Variants in CELSR1 observed in about 807,000 individuals in gnomAD.
CELSR1 encodes adhesion G protein-coupled receptor C1.
In CELSR1, 110 loss-of-function variants were observed where a neutral mutation model predicts 249.1. The observed-to-expected ratio is 0.44, with a 90% confidence interval of 0.38 to 0.52. The LOEUF is 0.52. CELSR1 is among the 20% of genes least tolerant of loss of function. The pLI, the probability that CELSR1 is intolerant of heterozygous loss-of-function variation, is 0.00. For synonymous variants in CELSR1, 2,113 were observed against 1,900.0 expected (o/e 1.11, Z -2.92); for missense variants, 4,109 against 4,296.4 (o/e 0.96, Z 1.22).
At chr22:46,442,506 TGGCTCCTGAA>T (rs966861023) in intron 2 of CELSR1, among the ~76,000 whole-genome samples, 1 of 152,196 alleles carries the variant, frequency 6.6e-6, no homozygotes, top group Admixed American at 6.5e-5. Context: ...CCCCCAGCTG[TGGCTCCTGAA>T]GGCTCCTGGA....
Position 46,363,253 on chromosome 22 carries a change from C to T in CELSR1, c.9036-6G>A, listed in dbSNP as rs1276697105. The T allele has an allele frequency of 2.7e-5, 43 of 1,611,560 alleles. No individual in the cohort carries two copies. The Admixed American group carries it at 3.0e-4, about 11-fold the overall frequency. ...TTGAAGTTTCATTACTGCCTCTGCG[C>T]GTGGGAAGAAGCCAGCAAGCAGGTG... On this transcript the variant is annotated splice_polypyrimidine_tract_variant and splice_region_variant and intron_variant, in intron 34 of 34. Coordinates refer to ENST00000674500, the MANE Select transcript of CELSR1 (RefSeq NM_001378328.1). The surrounding 1 kb of genome is among the most constrained non-coding windows in gnomAD (Gnocchi z 4.3).
rs756969128 is a variant in CELSR1 at position 46,395,882 on chromosome 22, G to A, written c.5843+723C>T. Among the ~76,000 whole-genome samples, 1 of 152,190 alleles carries A rather than the reference G, an allele frequency of 6.6e-6. No homozygotes were observed. The highest frequency in any genetic ancestry group is 1.9e-4 in the East Asian group (1 of 5,186). On this transcript the variant is annotated intron_variant, in intron 13 of 34. Transcript: ENST00000674500. The surrounding 1 kb of genome is among the most constrained non-coding windows in gnomAD (Gnocchi z 5.5). Reference sequence around the variant, plus strand: ...CCGTGCAAAGGGTACAGAGCCCAGAGCCCAGAGAGCACGCTGCTGCCTGTC... The same window carrying A: ...CCGTGCAAAGGGTACAGAGCCCAGAACCCAGAGAGCACGCTGCTGCCTGTC...
chr22:46,523,026 C>T (rs1170823220), intron 1 of CELSR1, among the ~76,000 whole-genome samples: 2 of 152,242 alleles, frequency 1.3e-5, no homozygotes, highest in Admixed American at 1.3e-4. Context: ...ATGATGAAAA[C>T]CGCCCTGCAA....
At position 46,430,594 on chromosome 22, in the gene CELSR1, C is replaced by T. The variant is rs1313130317; in HGVS notation, c.4611+2799G>A. Among the ~76,000 whole-genome samples, 10 of 152,288 alleles carry T rather than the reference C, an allele frequency of 6.6e-5. No individual in the cohort carries two copies. The highest frequency in any genetic ancestry group is 2.1e-4 in the South Asian group (1 of 4,822). ...TCCCCTCCCACCCTGAGCCTGTCGT[C>T]TTCCCCAAAACCTTCCCTGGTGGCC... is the stretch of plus-strand genomic sequence containing the variant. On this transcript the variant is annotated intron_variant, in intron 5 of 34. Coordinates refer to ENST00000674500, the MANE Select transcript of CELSR1 (RefSeq NM_001378328.1). The surrounding 1 kb of genome is among the most constrained non-coding windows in gnomAD (Gnocchi z 4.6).
intron 1 of CELSR1, among the ~76,000 whole-genome samples, chr22:46,515,613 G>A (rs980347403): frequency 3.3e-5 from 5 of 152,180 alleles, no homozygotes; most frequent in African/African-American, 1.2e-4. Context: ...ACGGGCCTCA[G>A]TCACACAGTG....
chr22:46,464,437 G>A lies in CELSR1; in HGVS notation c.3545-92C>T. 1 of 1,390,816 alleles carries A rather than the reference G, an allele frequency of 7.2e-7. No individual in the cohort carries two copies. The highest frequency in any genetic ancestry group is 9.8e-7 in the Non-Finnish European group (1 of 1,024,866). 86.2% of individuals were successfully genotyped at this position (1,390,816 alleles called of 1,614,324 possible). A position where few individuals can be genotyped will look rare whatever the true frequency, so the allele number is the denominator to read the frequency against. On this transcript the variant is annotated intron_variant, in intron 1 of 34. Coordinates refer to ENST00000674500, the MANE Select transcript of CELSR1 (RefSeq NM_001378328.1). This position sits in a 1 kb window ranked among gnomAD's most constrained non-coding sequence, Gnocchi z 8.5. ...CCCAGGAGCAGCCTCAGGCATGCTT[G>A]GCAAAGGAGAAGAGAGCCTGGGCAT...
chr22:46,422,327 T>A (rs1290306483), intron 5 of CELSR1, among the ~76,000 whole-genome samples: 2 of 151,996 alleles, frequency 1.3e-5, no homozygotes, highest in Non-Finnish European at 2.9e-5. Context: ...AGGCTGGTTT[T>A]GAACTCCTGA....
Position 46,417,296 on chromosome 22 carries a change from G to A in CELSR1, c.4612-5537C>T, listed in dbSNP as rs1312692534. 6.6e-5 allele frequency among the ~76,000 whole-genome samples: 10 copies of A among 152,196 alleles called. No homozygotes were observed. Among genetic ancestry groups the A allele is most frequent in the Non-Finnish European group, 4.4e-5 (3 of 68,022 alleles). ...GGAAAGTGGTGGGAAGGGTCACGAG[G>A]AGCAAATTCACGCAGATGCACGCAG... On this transcript the variant is annotated intron_variant, in intron 5 of 34. Transcript: ENST00000674500. This position sits in a 1 kb window ranked among gnomAD's most constrained non-coding sequence, Gnocchi z 4.1.
At position 46,418,666 on chromosome 22, in the gene CELSR1, G is replaced by A. The variant is rs1161661559; in HGVS notation, c.4612-6907C>T. The stretch of plus-strand genomic sequence containing the variant: ...ACCTGCAGCTTGGAGTTCGGGCACT[G>A]GCCCGCCATTTCCTCCATTTATTCA... On this transcript the variant is annotated intron_variant, in intron 5 of 34. Transcript: ENST00000674500. Among the ~76,000 whole-genome samples the A allele has an allele frequency of 5.3e-5, 8 of 152,166 alleles. No homozygotes were observed. The East Asian group carries it at 1.5e-3, about 29-fold the overall frequency.
Position 46,463,797 on chromosome 22 carries a change from C to A in CELSR1, c.4093G>T (p.Asp1365Tyr). The change falls in exon 2 of 35, where the codon GAC becomes TAC. Residue 1365 changes from aspartate (D) to tyrosine (Y), a missense_variant. Transcript: ENST00000674500. ...FTGDYCETEI[D>Y]LCYSDPCGAN... ...CCGCACGGGTCGGAGTAGCAGAGGT[C>A]GATCTCCGTCTCGCAGTAGTCGCCG... The A allele has an allele frequency of 6.2e-7, 1 of 1,606,400 alleles. No individual in the cohort carries two copies. Among genetic ancestry groups the A allele is most frequent in the Non-Finnish European group, 8.5e-7 (1 of 1,176,508 alleles).
chr22:46,420,506 ACACC>A (rs1234878901), intron 5 of CELSR1, among the ~76,000 whole-genome samples: 1 of 152,136 alleles, frequency 6.6e-6, no homozygotes, highest in East Asian at 1.9e-4. Flanking sequence ...ACACGTGGAC[ACACC>A]CACTCACATC....
rs150844695 is a variant in CELSR1, at chr22:46,409,232, C to A, written c.5060-70G>T. On this transcript the variant is annotated intron_variant, in intron 8 of 34. Coordinates refer to ENST00000674500, the MANE Select transcript of CELSR1 (RefSeq NM_001378328.1). This position sits in a 1 kb window ranked among gnomAD's most constrained non-coding sequence, Gnocchi z 9.8. ...ACGGCCGCGGACTTGGCTGCAGGGG[C>A]GGGGGATGGGCCTGCAGGCTAGGCC... is the stretch of plus-strand genomic sequence containing the variant. 6 of 1,541,968 alleles carry A rather than the reference C, an allele frequency of 3.9e-6. No homozygotes were observed. The highest frequency in any genetic ancestry group is 5.3e-6 in the Non-Finnish European group (6 of 1,129,706).
intron 20 of CELSR1, 43 bp from the exon 21 acceptor site, chr22:46,382,093 G>A: frequency 1.4e-6 from 2 of 1,461,598 alleles, no homozygotes; most frequent in Non-Finnish European, 1.8e-6. Flanking sequence ...AGGAGCACCT[G>A]TGTTCCCCAA....
chr22:46,416,636 C>T (rs1250382602), intron 5 of CELSR1, among the ~76,000 whole-genome samples: 1 of 152,208 alleles, frequency 6.6e-6, no homozygotes, highest in African/African-American at 2.4e-5. Flanking sequence ...CTGCAGCCAC[C>T]TGAGAAAAAA....
chr22:46,446,955 G>A lies in CELSR1; in HGVS notation c.4184-7544C>T, dbSNP rs936535990. Among the ~76,000 whole-genome samples, 21 of 152,070 alleles carry A rather than the reference G, an allele frequency of 1.4e-4. No individual in the cohort carries two copies. The highest frequency in any genetic ancestry group is 4.8e-4 in the African/African-American group (20 of 41,414). On this transcript the variant is annotated intron_variant, in intron 2 of 34. Coordinates refer to ENST00000674500, the MANE Select transcript of CELSR1 (RefSeq NM_001378328.1). This position sits in a 1 kb window ranked among gnomAD's most constrained non-coding sequence, Gnocchi z 5.5. Reference sequence around the variant, plus strand: ...AGAGCCAATTCAGGATTCCCCTGAGGGTTGGTGGTTAAGCACTTGCAGCAC... The same window carrying A: ...AGAGCCAATTCAGGATTCCCCTGAGAGTTGGTGGTTAAGCACTTGCAGCAC...
Position 46,368,880 on chromosome 22 carries a change from G to A in CELSR1, c.7952+299C>T, listed in dbSNP as rs538759345. Among the ~76,000 whole-genome samples the A allele has an allele frequency of 1.9e-3, 288 of 152,128 alleles. 1 individual carries two copies. Among genetic ancestry groups the A allele is most frequent in the African/African-American group, 6.8e-3 (282 of 41,520 alleles). On this transcript the variant is annotated intron_variant, in intron 27 of 34. Coordinates refer to ENST00000674500, the MANE Select transcript of CELSR1 (RefSeq NM_001378328.1). ...CCCCACCCCACCCATCTCCACTCTG[G>A]GGATTCCAGACAGCCCAATACTTCT...
At chr22:46,388,210 G>A (rs1025607292) in intron 18 of CELSR1, among the ~76,000 whole-genome samples, 3 of 152,116 alleles carry the variant, frequency 2.0e-5, no homozygotes, top group Non-Finnish European at 2.9e-5. Context: ...TTAGCCGGGC[G>A]TGGTGGCGGG....
chr22:46,514,399 G>A (rs536438075), intron 1 of CELSR1, among the ~76,000 whole-genome samples: 5 of 152,266 alleles, frequency 3.3e-5, no homozygotes, highest in East Asian at 1.9e-4. Context: ...ACCAGGCCCC[G>A]ACGGTCCATC....
rs138721902 is a variant in CELSR1 at position 46,392,522 on chromosome 22, G to A, written c.5965-706C>T. Among the ~76,000 whole-genome samples, 651 of 152,312 alleles carry A rather than the reference G, an allele frequency of 4.3e-3. 5 individuals carry two copies. Among genetic ancestry groups the A allele is most frequent in the Admixed American group, 7.6e-3 (116 of 15,310 alleles). On this transcript the variant is annotated intron_variant, in intron 14 of 34. Transcript: ENST00000674500. ...GCTGGGAGGCGCATGGGGTGACTGCGATCTTTATGGGTTTTTATTACATTT... is the reference window on the plus strand; with the variant it reads ...GCTGGGAGGCGCATGGGGTGACTGCAATCTTTATGGGTTTTTATTACATTT...
Sources: gnomAD v4.1 joint callset for allele counts (sites outside exome capture counted in the v4.1 genomes callset) on GRCh38, gnomAD v4.1.1 for gene constraint, Gnocchi (gnomAD v3.1) non-coding constraint, MANE v1.5 for transcripts, NCBI Gene and HGNC (gene_info 2026-07-23, HGNC 2026-07-21) for gene names.